The following ZHX1 variants were observed in gnomAD, a reference collection of about 807,000 sequenced individuals.
ZHX1 encodes zinc fingers and homeoboxes protein 1.
ZHX1 carries 20 observed loss-of-function variants against 61.8 expected under a neutral mutation model. The observed-to-expected ratio is 0.32, with a 90% CI of 0.23 to 0.47. ZHX1 has a LOEUF of 0.47. ZHX1 is among the 20% of genes least tolerant of loss of function. The pLI is 1.00. For missense variants in ZHX1, 800 were observed against 1,034.8 expected, an observed-to-expected ratio of 0.77 and a Z score of 3.11; for synonymous variants, 318 against 352.6, an observed-to-expected ratio of 0.90 and a Z score of 1.10.
intron 3 of ZHX1, among the ~76,000 whole-genome samples, chr8:123,251,877 T>G (rs921082069): frequency 1.8e-4 from 28 of 152,316 alleles, no homozygotes; most frequent in African/African-American, 6.3e-4. Context: ...TTTCATCTGT[T>G]ATCCCTTAAA....
At chr8:123,272,388 G>C in intron 1 of ZHX1, among the ~76,000 whole-genome samples, 1 of 152,162 alleles carries the variant, frequency 6.6e-6, no homozygotes, top group Non-Finnish European at 1.5e-5. Flanking sequence ...CTTTGGGAAA[G>C]GAGAGAAAAG....
chr8:123,254,031 C>T lies in ZHX1; in HGVS notation c.1916G>A (p.Ser639Asn). 1 of 1,614,078 alleles carries T rather than the reference C, an allele frequency of 6.2e-7. No individual in the cohort carries two copies. Among genetic ancestry groups the T allele is most frequent in the Non-Finnish European group, 8.5e-7 (1 of 1,180,016 alleles). Reference sequence around the variant, plus strand: ...AGTTTCTCCAGCTTCTTCTTTGGAACTACCTGCATTACTTTCATCTATTTC... The same window carrying T: ...AGTTTCTCCAGCTTCTTCTTTGGAATTACCTGCATTACTTTCATCTATTTC... ...KMEIDESNAGSSKEEAGETSP... is the reference protein window; with the variant it reads ...KMEIDESNAGNSKEEAGETSP... Residue 639 changes from serine (S) to asparagine (N), a missense_variant, in exon 3 of 4, where the codon AGT becomes AAT. By Grantham distance (46) the Ser-to-Asn change is conservative. Coordinates refer to ENST00000395571, the MANE Select transcript of ZHX1 (RefSeq NM_007222.5). This position sits in a 1 kb window ranked among gnomAD's most constrained non-coding sequence, Gnocchi z 4.1.
In ZHX1 at chr8:123,255,955, T is replaced by C. The variant is rs778149225; in HGVS notation, c.-9A>G. On this transcript the variant is annotated 5_prime_UTR_variant, in exon 3 of 4. In the 5' UTR this introduces an upstream ATG that the reference lacks. Coordinates refer to ENST00000395571, the MANE Select transcript of ZHX1 (RefSeq NM_007222.5). ...TTTCGCCTGCTTGCCATTCTGATGT[T>C]ATGAGGAAAAGCTCAGTGGTGATTA... The C allele has an allele frequency of 3.9e-5, 63 of 1,596,340 alleles. No homozygotes were observed. The highest frequency in any genetic ancestry group is 5.4e-5 in the Non-Finnish European group (63 of 1,170,492).
rs1231423231 is a variant in ZHX1, at chr8:123,274,232, CG to C, written c.-356del. ...GCGCCACTACCTGCAGGGGCCGCCG[CG>C]CCTCTCAGCGCCACGCCGCCGCCAT... On this transcript the variant is annotated 5_prime_UTR_variant, in exon 1 of 4. It removes the in-frame stop codon of an upstream open reading frame in the 5' UTR. Coordinates refer to ENST00000395571, the MANE Select transcript of ZHX1 (RefSeq NM_007222.5). The C allele has an allele frequency of 6.5e-6, 1 of 153,624 alleles. No individual in the cohort carries two copies. Among genetic ancestry groups the C allele is most frequent in the Non-Finnish European group, 1.4e-5 (1 of 69,248 alleles). 9.5% of individuals were successfully genotyped at this position (153,624 alleles called of 1,614,324 possible). A position where few individuals can be genotyped will look rare whatever the true frequency, so the allele number is the denominator to read the frequency against.
In ZHX1 at chr8:123,253,906, G is replaced by A. The variant is rs770435282; in HGVS notation, c.2041C>T (p.Arg681Trp). ...QLHMLKSAFVRTQWPSPEEYD... is the reference protein window; with the variant it reads ...QLHMLKSAFVWTQWPSPEEYD... ...TCTTCTGGTGATGGCCACTGTGTCCGGACAAATGCACTCTTAAGCATGTGC... is the reference window on the plus strand; with the variant it reads ...TCTTCTGGTGATGGCCACTGTGTCCAGACAAATGCACTCTTAAGCATGTGC... The change falls in exon 3 of 4, where the codon CGG becomes TGG. Residue 681 changes from arginine to tryptophan, a missense_variant. Coordinates refer to ENST00000395571, the MANE Select transcript of ZHX1 (RefSeq NM_007222.5). The A allele has an allele frequency of 1.9e-6, 3 of 1,614,168 alleles. No individual in the cohort carries two copies. The highest frequency in any genetic ancestry group is 1.6e-4 in the Middle Eastern group (1 of 6,062).
chr8:123,253,362 C>T lies in ZHX1; in HGVS notation c.2585G>A (p.Arg862Gln), dbSNP rs144367640. The T allele has an allele frequency of 1.9e-6, 3 of 1,612,534 alleles. No individual in the cohort carries two copies. The highest frequency in any genetic ancestry group is 1.1e-5 in the South Asian group (1 of 90,896). ...TDDSDTWEPP[R>Q]HVKRKLSKSD... is the part of the protein sequence containing the mutation. Reference sequence around the variant, plus strand: ...TTTAGACAGCTTCCGTTTCACATGTCGTGGAGGTTCCCAAGTGTCACTATC... The same window carrying T: ...TTTAGACAGCTTCCGTTTCACATGTTGTGGAGGTTCCCAAGTGTCACTATC... The change falls in exon 3 of 4, where the codon CGA becomes CAA. Residue 862 changes from arginine (R) to glutamine (Q), a missense_variant. Physicochemically the swap from Arg to Gln is conservative, Grantham distance 43. Coordinates refer to ENST00000395571, the MANE Select transcript of ZHX1 (RefSeq NM_007222.5).
At chr8:123,271,755 A>G (rs903965380) in intron 1 of ZHX1, among the ~76,000 whole-genome samples, 4 of 152,198 alleles carry the variant, frequency 2.6e-5, no homozygotes. Flanking sequence ...AATTTCGCTA[A>G]TAACTGTAAA....
In ZHX1 at chr8:123,267,355, C is replaced by G; in HGVS notation, c.-308G>C. The G allele has an allele frequency of 7.4e-7, 1 of 1,356,484 alleles. No homozygotes were observed. Among genetic ancestry groups the G allele is most frequent in the Non-Finnish European group, 1.0e-6 (1 of 999,254 alleles). 84.0% of individuals were successfully genotyped at this position (1,356,484 alleles called of 1,614,324 possible). Reference sequence around the variant, plus strand: ...AGATGTTTAGCTCAGGCCATCATTACCAACAGGTCCAAAGCAGCAGTCTGT... The same window carrying G: ...AGATGTTTAGCTCAGGCCATCATTAGCAACAGGTCCAAAGCAGCAGTCTGT... On this transcript the variant is annotated 5_prime_UTR_variant, in exon 2 of 4. Transcript: ENST00000395571.
chr8:123,271,922 C>A (rs1265041828), intron 1 of ZHX1, among the ~76,000 whole-genome samples: 1 of 152,208 alleles, frequency 6.6e-6, no homozygotes, highest in African/African-American at 2.4e-5. Flanking sequence ...CTAGCACAGG[C>A]ACATTTATGT....
At chr8:123,267,579 A>T (rs997447340) in intron 1 of ZHX1, among the ~76,000 whole-genome samples, 193 bp from the exon 2 acceptor site, 1 of 152,210 alleles carries the variant, frequency 6.6e-6, no homozygotes, top group Admixed American at 6.5e-5. Context: ...ACTACACATT[A>T]AAAAAACTCT....
chr8:123,257,024 TTC>T (rs1252103542), intron 2 of ZHX1: 12 of 152,264 alleles, frequency 7.9e-5, no homozygotes, highest in Admixed American at 7.2e-4. Context: ...GTTCAAATGA[TTC>T]TCTTACCTTA....
In ZHX1 at chr8:123,255,314, C is replaced by T; in HGVS notation, c.633G>A (p.Glu211=). 2 of 1,614,120 alleles carry T rather than the reference C, an allele frequency of 1.2e-6. No homozygotes were observed. The highest frequency in any genetic ancestry group is 1.7e-6 in the Non-Finnish European group (2 of 1,180,014). ...CTTCACGGTCTGGTTTGATTTCATT[C>T]TCTTTCTCTTCAGGAACGTCCTCAA... is the stretch of plus-strand genomic sequence containing the variant. ...NSVEDVPEEK[E]NEIKPDREEI... The change falls in exon 3 of 4, where the codon GAG becomes GAA. Residue 211 remains glutamate, a synonymous_variant. Transcript: ENST00000395571.
upstream of ZHX1, among the ~76,000 whole-genome samples, chr8:123,274,934 C>T (rs1199376658): frequency 7.2e-5 from 11 of 152,174 alleles, no homozygotes; most frequent in Non-Finnish European, 1.6e-4. Flanking sequence ...CGAGTCCGGC[C>T]GGGAGCCCAG....
rs145275161 is a variant in ZHX1, at chr8:123,249,650, T to C, written c.*674A>G. The stretch of plus-strand genomic sequence containing the variant: ...CAGCTTCTAATGGAACAAGTAACAG[T>C]AGAAACAGTGGTATTCATGGATGTG... On this transcript the variant is annotated 3_prime_UTR_variant, in exon 4 of 4. Coordinates refer to ENST00000395571, the MANE Select transcript of ZHX1 (RefSeq NM_007222.5). The C allele has an allele frequency of 6.6e-6, 1 of 152,226 alleles. No homozygotes were observed. The highest frequency in any genetic ancestry group is 1.5e-5 in the Non-Finnish European group (1 of 67,962). The allele number at this position is 152,226 out of a possible 1,614,324, so 9.4% of individuals were successfully genotyped here. A position where few individuals can be genotyped will look rare whatever the true frequency, so the allele number is the denominator to read the frequency against.
At position 123,248,974 on chromosome 8, in the gene ZHX1, A is replaced by C. The variant is rs1825846042; in HGVS notation, c.*1350T>G. On this transcript the variant is annotated 3_prime_UTR_variant, in exon 4 of 4. Transcript: ENST00000395571. ...ACTAATAAAGCTATAGTTAAAAAAT[A>C]AAAAGTTTATAAAAATGAAAGCAGC... 6.6e-6 allele frequency: 1 copy of C among 152,602 alleles called. No individual in the cohort carries two copies. Among genetic ancestry groups the C allele is most frequent in the South Asian group, 2.1e-4 (1 of 4,832 alleles). The allele number at this position is 152,602 out of a possible 1,614,324, so 9.5% of individuals were successfully genotyped here. A position where few individuals can be genotyped will look rare whatever the true frequency, so the allele number is the denominator to read the frequency against.
chr8:123,270,317 T>C (rs961290033), intron 1 of ZHX1, among the ~76,000 whole-genome samples: 1 of 152,142 alleles, frequency 6.6e-6, no homozygotes, highest in Non-Finnish European at 1.5e-5. Flanking sequence ...AAAAGGAAGT[T>C]AGAAATCTTG....
intron 2 of ZHX1, among the ~76,000 whole-genome samples, chr8:123,266,376 A>G (rs1023939141): frequency 6.6e-6 from 1 of 152,142 alleles, no homozygotes; most frequent in Non-Finnish European, 1.5e-5. Context: ...TACCCACTTC[A>G]CTGAGGATAT....
chr8:123,250,277 C>T lies in ZHX1; in HGVS notation c.*47G>A, dbSNP rs1421107389. ...TTGGGCAAATTCACAGTAAATCAGACATCTTGAGTTGAAGAATTGATTCTC... is the reference window on the plus strand; with the variant it reads ...TTGGGCAAATTCACAGTAAATCAGATATCTTGAGTTGAAGAATTGATTCTC... On this transcript the variant is annotated 3_prime_UTR_variant, in exon 4 of 4. Transcript: ENST00000395571. The T allele has an allele frequency of 4.0e-5, 18 of 445,042 alleles. No homozygotes were observed. The Admixed American group carries it at 4.1e-4, about 10-fold the overall frequency. The allele number at this position is 445,042 out of a possible 1,614,324, so 27.6% of individuals were successfully genotyped here. A position where few individuals can be genotyped will look rare whatever the true frequency, so the allele number is the denominator to read the frequency against.
intron 1 of ZHX1, among the ~76,000 whole-genome samples, chr8:123,272,861 C>G (rs949448994): frequency 1.3e-5 from 2 of 152,154 alleles, no homozygotes; most frequent in African/African-American, 4.8e-5. Context: ...CCTTTTTCTG[C>G]TATCACATTA....
Sources: allele counts gnomAD v4.1 joint callset (sites outside exome capture counted in the v4.1 genomes callset), GRCh38; gene constraint gnomAD v4.1.1; non-coding constraint Gnocchi (gnomAD v3.1); transcripts MANE v1.5; gene names NCBI Gene and HGNC (gene_info 2026-07-23, HGNC 2026-07-21).